Variants in NSMCE2 observed in about 807,000 individuals in gnomAD.
NSMCE2 encodes NSE2 SUMO ligase component of SMC5/6 complex.
NSMCE2 carries 24 observed loss-of-function variants against 23.8 expected under a neutral mutation model. That is an observed-to-expected ratio of 1.01 (90% CI 0.73 to 1.42). The LOEUF (loss-of-function observed/expected upper bound fraction) is 1.42, where lower values mean the gene tolerates loss of function less well. NSMCE2 is among the 40% of genes most tolerant of loss of function. NSMCE2 has a pLI of 0.00. For missense variants in NSMCE2, 284 were observed against 296.5 expected (o/e 0.96, Z 0.31); for synonymous variants, 92 against 94.1 (o/e 0.98, Z 0.13).
chr8:125,119,155 T>C lies in NSMCE2; in HGVS notation c.157+16668T>C, dbSNP rs559369867. On this transcript the variant is annotated intron_variant, in intron 3 of 7. Transcript: ENST00000287437. Reference sequence around the variant, plus strand: ...AAAGTTTTGGCTGCTGTTCACCTCATCTCACCTCCTGTTACCGTGGAATCT... The same window carrying C: ...AAAGTTTTGGCTGCTGTTCACCTCACCTCACCTCCTGTTACCGTGGAATCT... 1.7e-4 allele frequency among the ~76,000 whole-genome samples: 26 copies of C among 152,288 alleles called. No individual in the cohort carries two copies. In the South Asian group the frequency reaches 2.5e-3, roughly 15 times the overall value.
intron 3 of NSMCE2, among the ~76,000 whole-genome samples, 165 bp from the exon 4 acceptor site, chr8:125,151,006 T>A (rs1820986588): frequency 6.6e-6 from 1 of 152,108 alleles, no homozygotes. Context: ...GAGGTTTTTT[T>A]TATTTTTTTT....
At position 125,293,451 on chromosome 8, in the gene NSMCE2, GT is replaced by G. The variant is rs2131170216; in HGVS notation, c.419-63765del. ...CCCCATATAGAGCTAATTATTCTTT[GT>G]TTATTTTTATTTACTGACTCCAGTG... On this transcript the variant is annotated intron_variant, in intron 5 of 7. Coordinates refer to ENST00000287437, the MANE Select transcript of NSMCE2 (RefSeq NM_173685.4). Among the ~76,000 whole-genome samples, 3 of 152,204 alleles carry G rather than the reference GT, an allele frequency of 2.0e-5. No individual in the cohort carries two copies. In the South Asian group the frequency reaches 6.2e-4, roughly 32 times the overall value.
chr8:125,123,477 T>C (rs1399495740), intron 3 of NSMCE2, among the ~76,000 whole-genome samples: 3 of 152,250 alleles, frequency 2.0e-5, no homozygotes, highest in Non-Finnish European at 4.4e-5. Flanking sequence ...AGGAGACACT[T>C]GACAGATGAA....
At chr8:125,109,321 G>C (rs1299098010) in intron 3 of NSMCE2, among the ~76,000 whole-genome samples, 2 of 152,180 alleles carry the variant, frequency 1.3e-5, no homozygotes, top group African/African-American at 4.8e-5. Context: ...TAGAATAGTA[G>C]TAAGTGCTCA....
intron 5 of NSMCE2, among the ~76,000 whole-genome samples, chr8:125,356,796 C>G (rs1201013860): frequency 2.0e-5 from 3 of 152,126 alleles, no homozygotes; most frequent in Admixed American, 6.5e-5. Context: ...TTGATTATTG[C>G]TTTGTACCAT....
At chr8:125,248,076 A>G (rs994039840) in intron 5 of NSMCE2, among the ~76,000 whole-genome samples, 5 of 152,230 alleles carry the variant, frequency 3.3e-5, no homozygotes, top group African/African-American at 1.2e-4. Flanking sequence ...CTTAATAACT[A>G]TATGTTAAAT....
intron 3 of NSMCE2, among the ~76,000 whole-genome samples, chr8:125,121,141 A>G (rs1395129523): frequency 6.6e-6 from 1 of 152,236 alleles, no homozygotes; most frequent in African/African-American, 2.4e-5. Context: ...GTGAGGAGAA[A>G]GAAATGTTAG....
intron 5 of NSMCE2, among the ~76,000 whole-genome samples, chr8:125,228,662 G>A (rs539537937): frequency 6.6e-6 from 1 of 152,326 alleles, no homozygotes; most frequent in Non-Finnish European, 1.5e-5. Flanking sequence ...TTTGAGAAAA[G>A]TGAATGTCCC....
At chr8:125,128,948 T>G (rs1384395501) in intron 3 of NSMCE2, among the ~76,000 whole-genome samples, 2 of 152,170 alleles carry the variant, frequency 1.3e-5, no homozygotes, top group East Asian at 3.8e-4. Context: ...CCATGTAACA[T>G]AACATAATTG....
chr8:125,112,411 T>G (rs1044864161), intron 3 of NSMCE2, among the ~76,000 whole-genome samples: 1 of 152,196 alleles, frequency 6.6e-6, no homozygotes, highest in Non-Finnish European at 1.5e-5. Context: ...ATCCAAAGGA[T>G]GTATGTCAAA....
chr8:125,231,309 A>G (rs981464426), intron 5 of NSMCE2, among the ~76,000 whole-genome samples: 3 of 152,214 alleles, frequency 2.0e-5, no homozygotes, highest in Admixed American at 1.3e-4. Context: ...CTTCAAGACA[A>G]TGACTTGTCT....
At chr8:125,100,645 T>G (rs1818144915) in intron 1 of NSMCE2, among the ~76,000 whole-genome samples, 1 of 152,166 alleles carries the variant, frequency 6.6e-6, no homozygotes, top group African/African-American at 2.4e-5. Flanking sequence ...CACTGCAACC[T>G]CCGCCTCCCA....
At chr8:125,318,987 A>C (rs1829318828) in intron 5 of NSMCE2, among the ~76,000 whole-genome samples, 1 of 152,248 alleles carries the variant, frequency 6.6e-6, no homozygotes, top group African/African-American at 2.4e-5. Flanking sequence ...GAGCACATGC[A>C]TGTGAAGAAA....
At chr8:125,145,415 A>G (rs1820622355) in intron 3 of NSMCE2, among the ~76,000 whole-genome samples, 1 of 152,128 alleles carries the variant, frequency 6.6e-6, no homozygotes, top group Non-Finnish European at 1.5e-5. Context: ...TAGTTATTGT[A>G]CTAACTTCTT....
At chr8:125,156,257 T>G (rs1275988139) in intron 4 of NSMCE2, 1 of 158,728 alleles carries the variant, frequency 6.3e-6, no homozygotes, top group African/African-American at 2.4e-5. Flanking sequence ...TTTTACCTCT[T>G]AAAAGAATTT....
chr8:125,278,245 G>A (rs1827553430), intron 5 of NSMCE2, among the ~76,000 whole-genome samples: 1 of 152,206 alleles, frequency 6.6e-6, no homozygotes, highest in Admixed American at 6.5e-5. Context: ...CAGCTTAGGT[G>A]GAATGAGTGC....
At chr8:125,105,321 T>A (rs1320425395) in intron 3 of NSMCE2, among the ~76,000 whole-genome samples, 1 of 152,234 alleles carries the variant, frequency 6.6e-6, no homozygotes, top group Non-Finnish European at 1.5e-5. Context: ...GATCATAATT[T>A]AGCTTTGATA....
At position 125,366,150 on chromosome 8, in the gene NSMCE2, G is replaced by A. The variant is rs1277163878; in HGVS notation, c.627-618G>A. ...TGTGGCCCCAGCACTCTCTCTCCCT[G>A]ACCCTGCTTTGTTGCCCTCATAGCC... is the stretch of plus-strand genomic sequence containing the variant. On this transcript the variant is annotated intron_variant, in intron 7 of 7. Coordinates refer to ENST00000287437, the MANE Select transcript of NSMCE2 (RefSeq NM_173685.4). Among the ~76,000 whole-genome samples, 4 of 152,124 alleles carry A rather than the reference G, an allele frequency of 2.6e-5. No homozygotes were observed. In the East Asian group the frequency reaches 7.7e-4, roughly 29 times the overall value.
chr8:125,253,743 A>G (rs567268938), intron 5 of NSMCE2, among the ~76,000 whole-genome samples: 14 of 152,376 alleles, frequency 9.2e-5, no homozygotes, highest in African/African-American at 3.4e-4. Context: ...ATGAAGTCGT[A>G]TAGGCAGCCT....
Sources: allele counts gnomAD v4.1 joint callset (sites outside exome capture counted in the v4.1 genomes callset), GRCh38; gene constraint gnomAD v4.1.1; transcripts MANE v1.5; gene names NCBI Gene and HGNC (gene_info 2026-07-23, HGNC 2026-07-21).